The following HUWE1 variants were observed in gnomAD, a reference collection of about 807,000 sequenced individuals.
The protein encoded by HUWE1 is HECT, UBA and WWE domain containing E3 ubiquitin protein ligase 1.
HUWE1 carries 18 observed loss-of-function variants against 299.4 expected under a neutral mutation model. The ratio of observed to expected loss-of-function variants is 0.06; its 90% CI spans 0.04 to 0.09. The LOEUF is 0.09. HUWE1 is among the 10% of genes least tolerant of loss of function. HUWE1 has a pLI of 1.00. For synonymous variants in HUWE1, 1,317 were observed against 1,286.1 expected (o/e 1.02, Z -0.51); for missense variants, 1,832 against 3,462.3 (o/e 0.53, Z 11.82).
At chrX:53,549,995 A>G (rs2147268639) in intron 66 of HUWE1, among the ~76,000 whole-genome samples, 1 of 110,513 alleles carries the variant, frequency 9.0e-6, no homozygotes, top group East Asian at 2.8e-4. Context: ...CAAGTGATCC[A>G]CCTGCCTCAG....
intron 28 of HUWE1, 103 bp downstream of exon 28, chrX:53,602,461 A>C: frequency 1.9e-6 from 1 of 518,539 alleles, no homozygotes. Context: ...TGAAAACTAG[A>C]CTATGGATGA....
chrX:53,631,510 G>A (rs2066875714), intron 10 of HUWE1, 28 bp from the exon 11 acceptor site: 2 of 1,175,153 alleles, frequency 1.7e-6, no homozygotes, highest in Middle Eastern at 2.4e-4. Flanking sequence ...ATATAGTTAG[G>A]AACAAAAAGT....
intron 48 of HUWE1, among the ~76,000 whole-genome samples, chrX:53,569,152 G>A (rs782626549): frequency 2.7e-5 from 3 of 111,102 alleles, no homozygotes; most frequent in Non-Finnish European, 3.8e-5. Flanking sequence ...TCAGCCTCCC[G>A]AGTAGCTGGG....
intron 44 of HUWE1, 145 bp downstream of exon 44, chrX:53,576,755 A>G: frequency 1.8e-6 from 1 of 567,517 alleles, no homozygotes; most frequent in Non-Finnish European, 2.9e-6. Context: ...TTCTTCACAG[A>G]CATGCAATGG....
At chrX:53,683,080 T>C (rs781841669) in intron 2 of HUWE1, among the ~76,000 whole-genome samples, 14 of 111,414 alleles carry the variant, frequency 1.3e-4, no homozygotes, top group Non-Finnish European at 2.6e-4. Flanking sequence ...GGCAACAGGA[T>C]AAGCTCTATT....
intron 75 of HUWE1, 97 bp downstream of exon 75, chrX:53,539,560 G>T: frequency 1.2e-6 from 1 of 831,419 alleles, no homozygotes; most frequent in South Asian, 2.1e-5. Context: ...AGACACTGAG[G>T]GAGAGGAGTA....
intron 3 of HUWE1, among the ~76,000 whole-genome samples, chrX:53,658,625 T>G (rs1474247052): frequency 1.8e-5 from 2 of 111,672 alleles, no homozygotes; most frequent in Non-Finnish European, 3.8e-5. Context: ...AGATAGTTTT[T>G]TCAACAAATG....
At chrX:53,578,233 G>A (rs1197025991) in intron 43 of HUWE1, among the ~76,000 whole-genome samples, 1 of 105,964 alleles carries the variant, frequency 9.4e-6, no homozygotes, top group African/African-American at 3.5e-5. Context: ...GGGAGGTGAG[G>A]AGCGTCTCTG....
At chrX:53,678,882 T>C (rs2069973228) in intron 3 of HUWE1, among the ~76,000 whole-genome samples, 1 of 112,331 alleles carries the variant, frequency 8.9e-6, no homozygotes, top group Non-Finnish European at 1.9e-5. Context: ...AGGCCTACTT[T>C]TCATGTGGAG....
In HUWE1 at chrX:53,551,499, T is replaced by G. The variant is rs1556929045; in HGVS notation, c.8882-19A>C. 4.3e-6 allele frequency: 5 copies of G among 1,150,442 alleles called. No individual in the cohort carries two copies. Among genetic ancestry groups the G allele is most frequent in the Non-Finnish European group, 5.9e-6 (5 of 851,528 alleles). The allele number at this position is 1,150,442 out of a possible 1,213,427, so 94.8% of individuals were successfully genotyped here. On this transcript the variant is annotated intron_variant, in intron 63 of 83. Coordinates refer to ENST00000262854, the MANE Select transcript of HUWE1 (RefSeq NM_031407.7). ...CTGATACCTGAAGGGAGATATAACATGTAAAGGGATTCACGCCTTATTAAT... is the reference window on the plus strand; with the variant it reads ...CTGATACCTGAAGGGAGATATAACAGGTAAAGGGATTCACGCCTTATTAAT...
chrX:53,534,710 C>G lies in HUWE1; in HGVS notation c.12650-13G>C. On this transcript the variant is annotated splice_polypyrimidine_tract_variant and intron_variant, in intron 81 of 83. Coordinates refer to ENST00000262854, the MANE Select transcript of HUWE1 (RefSeq NM_031407.7). ...TTGCGGATGGCTCCTGGTGAGATAACCAAAAAGCCAAATGACTTCTAAACT... is the reference window on the plus strand; with the variant it reads ...TTGCGGATGGCTCCTGGTGAGATAAGCAAAAAGCCAAATGACTTCTAAACT... 3 of 1,203,641 alleles carry G rather than the reference C, an allele frequency of 2.5e-6. No individual in the cohort carries two copies. The highest frequency in any genetic ancestry group is 5.9e-5 in the East Asian group (2 of 33,789).
intron 4 of HUWE1, among the ~76,000 whole-genome samples, chrX:53,650,886 A>G (rs1557039596): frequency 8.9e-6 from 1 of 111,850 alleles, no homozygotes; most frequent in African/African-American, 3.3e-5. Context: ...CTAGGAAATA[A>G]GAGCCAGAAA....
chrX:53,608,787 C>T (rs1279705484), intron 24 of HUWE1, 65 bp downstream of exon 24: 2 of 695,881 alleles, frequency 2.9e-6, no homozygotes, highest in South Asian at 4.3e-5. Flanking sequence ...ACTCTGATAA[C>T]GAAACACATT....
intron 30 of HUWE1, among the ~76,000 whole-genome samples, chrX:53,594,985 G>C (rs1167762579): frequency 8.9e-6 from 1 of 111,769 alleles, no homozygotes; most frequent in Non-Finnish European, 1.9e-5. Context: ...AATGCAGTTT[G>C]ACTGTAAATA....
chrX:53,598,785 A>C lies in HUWE1; in HGVS notation c.3163+1333T>G, dbSNP rs2064649965. Reference sequence around the variant, plus strand: ...CAACCCCCATGTTGCTCAAGGGTTAAATCTATGTCTTTTCAGGATATACAT... The same window carrying C: ...CAACCCCCATGTTGCTCAAGGGTTACATCTATGTCTTTTCAGGATATACAT... On this transcript the variant is annotated intron_variant, in intron 29 of 83. Coordinates refer to ENST00000262854, the MANE Select transcript of HUWE1 (RefSeq NM_031407.7). 2.7e-5 allele frequency among the ~76,000 whole-genome samples: 3 copies of C among 111,539 alleles called. No individual in the cohort carries two copies. In the South Asian group the frequency reaches 1.1e-3, roughly 42 times the overall value.
chrX:53,593,220 A>G, intron 32 of HUWE1, 144 bp downstream of exon 32: 1 of 487,115 alleles, frequency 2.1e-6, no homozygotes, highest in Non-Finnish European at 3.7e-6. Flanking sequence ...AATGGTCTAT[A>G]TTCCCTTACG....
chrX:53,601,942 T>C lies in HUWE1; in HGVS notation c.2971+622A>G, dbSNP rs782279498. Among the ~76,000 whole-genome samples, 5 of 111,438 alleles carry C rather than the reference T, an allele frequency of 4.5e-5. No individual in the cohort carries two copies. The East Asian group carries it at 1.4e-3, about 31-fold the overall frequency. On this transcript the variant is annotated intron_variant, in intron 28 of 83. Coordinates refer to ENST00000262854, the MANE Select transcript of HUWE1 (RefSeq NM_031407.7). ...CCTCAGCCTCCCAAAGTGCTAGGATTACAGGCGTGAGCCACCGAGCCCGGC... is the reference window on the plus strand; with the variant it reads ...CCTCAGCCTCCCAAAGTGCTAGGATCACAGGCGTGAGCCACCGAGCCCGGC...
chrX:53,581,496 T>C (rs2063611363), intron 42 of HUWE1, among the ~76,000 whole-genome samples: 1 of 112,549 alleles, frequency 8.9e-6, no homozygotes, highest in Non-Finnish European at 1.9e-5. Flanking sequence ...TTTGCCTTGA[T>C]AACACAGGGC....
chrX:53,584,968 C>T (rs781901260), intron 40 of HUWE1, 44 bp downstream of exon 40: 1 of 1,194,213 alleles, frequency 8.4e-7, no homozygotes, highest in South Asian at 1.8e-5. Context: ...CCATATGTGG[C>T]CTGTGGTCCA....
Sources: gnomAD v4.1 joint callset for allele counts (sites outside exome capture counted in the v4.1 genomes callset) on GRCh38, gnomAD v4.1.1 for gene constraint, MANE v1.5 for transcripts, NCBI Gene and HGNC (gene_info 2026-07-23, HGNC 2026-07-21) for gene names.